The following ATP2C1 variants were observed in gnomAD, a reference collection of about 807,000 sequenced individuals.
ATP2C1 encodes the protein calcium-transporting ATPase type 2C member 1.
In ATP2C1, 31 loss-of-function variants were observed where a neutral mutation model predicts 120.5. That is an observed-to-expected ratio of 0.26 (90% CI 0.19 to 0.35). The LOEUF (loss-of-function observed/expected upper bound fraction) is 0.35. ATP2C1 is among the 10% of genes least tolerant of loss of function. The pLI is 1.00. For missense variants in ATP2C1, 731 were observed against 1,107.5 expected (o/e 0.66, Z 4.83); for synonymous variants, 351 against 358.7 (o/e 0.98, Z 0.24).
chr3:130,926,869 A>C (rs573890730), intron 2 of ATP2C1, among the ~76,000 whole-genome samples: 1 of 152,240 alleles, frequency 6.6e-6, no homozygotes. Flanking sequence ...GCCCAGTAGT[A>C]TTCTTGTGTG....
At chr3:131,016,415 C>A in exon 27 of ATP2C1, 4 of 1,467,214 alleles carry the variant, frequency 2.7e-6, no homozygotes, top group Non-Finnish European at 2.8e-6. Flanking sequence ...ACATATACTA[C>A]AAATTCTATA....
intron 18 of ATP2C1, among the ~76,000 whole-genome samples, chr3:130,978,954 G>A (rs980293857): frequency 9.9e-5 from 15 of 152,184 alleles, no homozygotes; most frequent in Non-Finnish European, 1.6e-4. Flanking sequence ...CCTGTTGAAA[G>A]TAGCTGCATG....
intron 8 of ATP2C1, among the ~76,000 whole-genome samples, chr3:130,953,207 G>A (rs1022292678): frequency 6.6e-6 from 1 of 151,848 alleles, no homozygotes. Flanking sequence ...ACTGTGTCAG[G>A]AGTGAAGCCT....
intron 1 of ATP2C1, among the ~76,000 whole-genome samples, chr3:130,878,463 T>A (rs1477926142): frequency 7.9e-5 from 12 of 152,212 alleles, no homozygotes; most frequent in Non-Finnish European, 1.8e-4. Flanking sequence ...CTGTCTTATT[T>A]TTGTATCTGT....
intron 2 of ATP2C1, among the ~76,000 whole-genome samples, chr3:130,896,696 AC>A (rs1346816043): frequency 6.6e-6 from 1 of 152,182 alleles, no homozygotes; most frequent in African/African-American, 2.4e-5. Context: ...CTTGTCTTGA[AC>A]CACTTAAAGC....
At chr3:130,903,541 G>T (rs917312152) in intron 2 of ATP2C1, among the ~76,000 whole-genome samples, 2 of 151,972 alleles carry the variant, frequency 1.3e-5, no homozygotes, top group African/African-American at 4.8e-5. Context: ...TTTATGAAAT[G>T]AATGTCATTG....
Position 130,996,662 on chromosome 3 carries a change from G to T in ATP2C1, c.2127-18G>T. 5 of 1,466,512 alleles carry T rather than the reference G, an allele frequency of 3.4e-6. No homozygotes were observed. The highest frequency in any genetic ancestry group is 1.1e-5 in the South Asian group (1 of 87,938). 90.8% of individuals were successfully genotyped at this position (1,466,512 alleles called of 1,614,324 possible). A position where few individuals can be genotyped will look rare whatever the true frequency, so the allele number is the denominator to read the frequency against. ...ATTTACTCTACTGATATTTTTAAAT[G>T]ACTCTCTTTTTCAACAGGAGTATAG... is the stretch of plus-strand genomic sequence containing the variant. On this transcript the variant is annotated intron_variant, in intron 23 of 27. Transcript: ENST00000510168.
intron 22 of ATP2C1, among the ~76,000 whole-genome samples, chr3:130,995,072 A>T (rs1466833688): frequency 6.6e-6 from 1 of 151,936 alleles, no homozygotes; most frequent in Non-Finnish European, 1.5e-5. Context: ...TTAAACCTTT[A>T]CTCTGCATTT....
chr3:130,927,315 ACTGCAAG>A (rs1192042690), intron 2 of ATP2C1, among the ~76,000 whole-genome samples: 8 of 149,130 alleles, frequency 5.4e-5, no homozygotes, highest in Non-Finnish European at 8.9e-5. Flanking sequence ...ATCTCAGCTC[ACTGCAAG>A]CTCTGCCTCC....
chr3:130,908,426 T>C (rs1296345027), intron 2 of ATP2C1, among the ~76,000 whole-genome samples: 1 of 151,696 alleles, frequency 6.6e-6, no homozygotes, highest in Non-Finnish European at 1.5e-5. Flanking sequence ...GTCCAAGATG[T>C]ATTGAATGAC....
chr3:130,976,750 C>A (rs376875916), intron 18 of ATP2C1, among the ~76,000 whole-genome samples: 1 of 152,112 alleles, frequency 6.6e-6, no homozygotes, highest in Non-Finnish European at 1.5e-5. Context: ...GATTCTTTCT[C>A]CCAGCGTCAT....
At position 130,941,223 on chromosome 3, in the gene ATP2C1, A is replaced by AGTGT. The variant is rs71774561; in HGVS notation, c.423-329_423-326dup. 9.4e-3 allele frequency among the ~76,000 whole-genome samples: 1,352 copies of AGTGT among 144,370 alleles called. 25 individuals carry two copies. Among genetic ancestry groups the AGTGT allele is most frequent in the African/African-American group, 0.027 (1,049 of 38,470 alleles). The allele number at this position is 144,370 out of a possible 152,430, so 94.7% of individuals were successfully genotyped here. ...GCCACCGCGCCCGGCTGTATTTAACAGTGTGTGTGTGTGTGTGTGTGTGTG... is the reference window on the plus strand; with the variant it reads ...GCCACCGCGCCCGGCTGTATTTAACAGTGTGTGTGTGTGTGTGTGTGTGTGTGTG... On this transcript the variant is annotated intron_variant, in intron 7 of 27. Transcript: ENST00000510168.
intron 7 of ATP2C1, 118 bp downstream of exon 7, chr3:130,940,809 C>A: frequency 1.3e-6 from 1 of 797,832 alleles, no homozygotes; most frequent in South Asian, 1.5e-5. Context: ...TACTATTAAT[C>A]TGACACAAAA....
intron 26 of ATP2C1, chr3:131,015,150 A>G (rs1282571902): frequency 5.8e-6 from 4 of 694,980 alleles, no homozygotes; most frequent in Non-Finnish European, 7.9e-6. Flanking sequence ...AGATATATTA[A>G]CAACACTGTT....
chr3:130,901,995 C>T (rs981990779), intron 2 of ATP2C1, among the ~76,000 whole-genome samples: 4 of 152,108 alleles, frequency 2.6e-5, no homozygotes, highest in Middle Eastern at 3.4e-3. Context: ...CATCTTCTAC[C>T]TCCCCCCGCC....
intron 12 of ATP2C1, among the ~76,000 whole-genome samples, chr3:130,961,496 A>G (rs2108611789): frequency 6.6e-6 from 1 of 152,038 alleles, no homozygotes; most frequent in East Asian, 1.9e-4. Flanking sequence ...TCACCCTAGG[A>G]ATTATTTTAA....
chr3:130,860,193 C>T (rs2067970926), intron 1 of ATP2C1, among the ~76,000 whole-genome samples: 1 of 152,072 alleles, frequency 6.6e-6, no homozygotes, highest in Non-Finnish European at 1.5e-5. Flanking sequence ...AATTTGCTAT[C>T]CCATTCCATG....
At position 130,907,377 on chromosome 3, in the gene ATP2C1, A is replaced by G. The variant is rs572655187; in HGVS notation, c.6+12602A>G. On this transcript the variant is annotated intron_variant, in intron 2 of 27. Transcript: ENST00000510168. Reference sequence around the variant, plus strand: ...ATCTAGGAAACCATTGCCTGATTCAATGTGATGAAGATTATAAGAATTTTA... The same window carrying G: ...ATCTAGGAAACCATTGCCTGATTCAGTGTGATGAAGATTATAAGAATTTTA... Among the ~76,000 whole-genome samples, 4 of 152,160 alleles carry G rather than the reference A, an allele frequency of 2.6e-5. No homozygotes were observed. In the South Asian group the frequency reaches 6.2e-4, roughly 24 times the overall value.
intron 20 of ATP2C1, among the ~76,000 whole-genome samples, chr3:130,982,739 G>C (rs966164098): frequency 3.9e-5 from 6 of 151,980 alleles, no homozygotes; most frequent in African/African-American, 1.4e-4. Flanking sequence ...AATTGTTTCT[G>C]CATCTTAAGG....
Sources: gnomAD v4.1 joint callset for allele counts (sites outside exome capture counted in the v4.1 genomes callset) on GRCh38, gnomAD v4.1.1 for gene constraint, MANE v1.5 for transcripts, NCBI Gene and HGNC (gene_info 2026-07-23, HGNC 2026-07-21) for gene names.